Variants in PI4K2B observed in about 807,000 individuals in gnomAD.
The protein encoded by PI4K2B is phosphatidylinositol 4-kinase type 2-beta.
In PI4K2B, 46 loss-of-function variants were observed where a neutral mutation model predicts 56.6. The ratio of observed to expected loss-of-function variants is 0.81; its 90% CI spans 0.64 to 1.04. The LOEUF is 1.04. Among genes scored for constraint, PI4K2B ranks in the 50% least tolerant of loss-of-function variants. The probability of loss-of-function intolerance (pLI) is 0.00; values close to 1 mark genes in which losing one functional copy is unlikely to be tolerated. For missense variants in PI4K2B, 556 were observed against 607.7 expected (o/e 0.91, Z 0.89); for synonymous variants, 211 against 223.8 (o/e 0.94, Z 0.51).
intron 1 of PI4K2B, among the ~76,000 whole-genome samples, chr4:25,240,877 CTCTT>C (rs1191943686): frequency 6.7e-6 from 1 of 150,172 alleles, no homozygotes; most frequent in African/African-American, 2.4e-5. Flanking sequence ...CTGTCTCCTT[CTCTT>C]TGTCTCTCTG....
In PI4K2B at chr4:25,240,977, A is replaced by G. The variant is rs140236822; in HGVS notation, c.268+6546A>G. Among the ~76,000 whole-genome samples the G allele has an allele frequency of 1.6e-3, 249 of 152,072 alleles. 4 individuals are homozygous for G. The East Asian group carries it at 0.033, about 20-fold the overall frequency. On this transcript the variant is annotated intron_variant, in intron 1 of 9. Coordinates refer to ENST00000264864, the MANE Select transcript of PI4K2B (RefSeq NM_018323.4). ...CTACTGGTCTTTCCCTGCCTCTGCC[A>G]GCCACTTATGCTGCTGTTCTCCCCT...
chr4:25,255,592 G>A, intron 3 of PI4K2B, among the ~76,000 whole-genome samples: 1 of 152,192 alleles, frequency 6.6e-6, no homozygotes, highest in Non-Finnish European at 1.5e-5. Context: ...GACTTGTATT[G>A]TCCTTTCAGC....
At chr4:25,250,237 A>AG (rs1432345340) in intron 1 of PI4K2B, among the ~76,000 whole-genome samples, 45 of 152,106 alleles carry the variant, frequency 3.0e-4, no homozygotes, top group African/African-American at 1.1e-3. Flanking sequence ...GAGAGGGGAG[A>AG]GGGAGAGGGA....
At chr4:25,259,336 C>T (rs1383405731) in intron 5 of PI4K2B, 146 bp downstream of exon 5, 2 of 592,548 alleles carry the variant, frequency 3.4e-6, no homozygotes, top group East Asian at 2.8e-5. Context: ...GTAGTATTGA[C>T]TCTCCTGGGC....
At chr4:25,249,955 C>T (rs563678805) in intron 1 of PI4K2B, among the ~76,000 whole-genome samples, 30 of 152,200 alleles carry the variant, frequency 2.0e-4, no homozygotes, top group Non-Finnish European at 4.0e-4. Flanking sequence ...AGCGAGACTC[C>T]GTTTGCAATC....
Position 25,269,389 on chromosome 4 carries a change from T to C in PI4K2B, c.1272+186T>C, listed in dbSNP as rs113642202. 3.6e-3 allele frequency among the ~76,000 whole-genome samples: 549 copies of C among 152,156 alleles called. 4 individuals carry two copies. The highest frequency in any genetic ancestry group is 0.012 in the African/African-American group (505 of 41,542). ...CAGTGGCTCACGCCTGTAATCCCAG[T>C]GCTTTGGGAGGCCAAGGCGGGTGAA... On this transcript the variant is annotated intron_variant, in intron 9 of 9. Transcript: ENST00000264864.
chr4:25,251,813 TG>T (rs1280353829), intron 1 of PI4K2B, among the ~76,000 whole-genome samples: 1 of 84,444 alleles, frequency 1.2e-5, no homozygotes, highest in Admixed American at 1.1e-4. Context: ...CCCATGTTGT[TG>T]TTGTTGTTGT....
rs555479523 is a variant in PI4K2B at position 25,267,121 on chromosome 4, G to A, written c.1079-1322G>A. On this transcript the variant is annotated intron_variant, in intron 7 of 9. Transcript: ENST00000264864. ...AGAAAACAGTGCTACATGCTACAGA[G>A]AGATTAGGTAGCATGACAACTGCAA... is the stretch of plus-strand genomic sequence containing the variant. 2.0e-5 allele frequency among the ~76,000 whole-genome samples: 3 copies of A among 152,324 alleles called. No homozygotes were observed. In the South Asian group the frequency reaches 6.2e-4, roughly 32 times the overall value.
intron 1 of PI4K2B, among the ~76,000 whole-genome samples, chr4:25,240,898 TCTCTCTGTCTCTTC>T (rs973622718): frequency 3.9e-5 from 6 of 152,282 alleles, no homozygotes; most frequent in African/African-American, 9.6e-5. Context: ...TCTGTTTCTG[TCTCTCTGTCTCTTC>T]CTCTCTGTCT....
At chr4:25,258,576 A>T (rs977134126) in intron 4 of PI4K2B, 1 of 269,040 alleles carries the variant, frequency 3.7e-6, no homozygotes, top group Admixed American at 6.5e-5. Context: ...AACTAAAAAA[A>T]AAAAATGAAA....
intron 1 of PI4K2B, among the ~76,000 whole-genome samples, chr4:25,238,618 G>A (rs145886400): frequency 1.6e-4 from 25 of 152,068 alleles, no homozygotes; most frequent in African/African-American, 4.6e-4. Flanking sequence ...GTGAAGCTGC[G>A]ACCTTCACGG....
chr4:25,266,878 G>C (rs1179401418), intron 7 of PI4K2B, among the ~76,000 whole-genome samples: 1 of 152,120 alleles, frequency 6.6e-6, no homozygotes, highest in Non-Finnish European at 1.5e-5. Context: ...CTATTGCCTA[G>C]CACAATGCCA....
chr4:25,263,603 G>A (rs1027137370), intron 6 of PI4K2B, 147 bp from the exon 7 acceptor site: 29 of 441,038 alleles, frequency 6.6e-5, no homozygotes, highest in Non-Finnish European at 2.0e-5. Flanking sequence ...ATTCCTGTGT[G>A]AATTTGTACT....
At chr4:25,243,457 CTG>C (rs1191103227) in intron 1 of PI4K2B, among the ~76,000 whole-genome samples, 1 of 152,202 alleles carries the variant, frequency 6.6e-6, no homozygotes, top group Admixed American at 6.5e-5. Context: ...GTTTGTTTGT[CTG>C]AGGGCCATGA....
intron 1 of PI4K2B, among the ~76,000 whole-genome samples, chr4:25,251,238 G>A (rs1020018822): frequency 3.9e-5 from 6 of 152,130 alleles, no homozygotes; most frequent in African/African-American, 9.7e-5. Flanking sequence ...GGGGCTGGTC[G>A]TAGTATTTTG....
intron 6 of PI4K2B, among the ~76,000 whole-genome samples, chr4:25,262,177 G>A (rs746612966): frequency 6.6e-6 from 1 of 152,022 alleles, no homozygotes; most frequent in Non-Finnish European, 1.5e-5. Flanking sequence ...AGTAGAAAAA[G>A]TAAAATGAAA....
At chr4:25,238,891 C>T (rs559810771) in intron 1 of PI4K2B, among the ~76,000 whole-genome samples, 4 of 152,260 alleles carry the variant, frequency 2.6e-5, no homozygotes, top group African/African-American at 9.6e-5. Flanking sequence ...TTATCTGGCC[C>T]CACCCACATC....
intron 8 of PI4K2B, 21 bp from the exon 9 acceptor site, chr4:25,269,123 T>C (rs1716768719): frequency 6.9e-7 from 1 of 1,446,304 alleles, no homozygotes; most frequent in South Asian, 1.2e-5. Flanking sequence ...TTGGGAATTG[T>C]TTTTTTCCTT....
chr4:25,249,246 T>C (rs999721794), intron 1 of PI4K2B, among the ~76,000 whole-genome samples: 11 of 152,184 alleles, frequency 7.2e-5, no homozygotes, highest in African/African-American at 2.4e-4. Flanking sequence ...TGATCTCTCT[T>C]TCTTTTCCCC....
Sources: gnomAD v4.1 joint callset for allele counts (sites outside exome capture counted in the v4.1 genomes callset) on GRCh38, gnomAD v4.1.1 for gene constraint, MANE v1.5 for transcripts, NCBI Gene and HGNC (gene_info 2026-07-23, HGNC 2026-07-21) for gene names.